Variants in DPYD observed in about 807,000 individuals in gnomAD.
DPYD encodes the protein dihydropyrimidine dehydrogenase [NADP(+)].
A neutral mutation model predicts 116.2 loss-of-function variants in DPYD; 109 were observed. That is an observed-to-expected ratio of 0.94 (90% CI 0.80 to 1.10). The LOEUF (loss-of-function observed/expected upper bound fraction) is 1.10. Ranked by LOEUF, DPYD falls within the 50% of genes least tolerant of loss-of-function variation. The pLI, the probability that DPYD is intolerant of heterozygous loss-of-function variation, is 0.00. For missense variants in DPYD, 1,302 were observed against 1,254.5 expected (o/e 1.04, Z -0.57); for synonymous variants, 440 against 432.0 (o/e 1.02, Z -0.23).
At chr1:97,888,424 C>T in intron 1 of DPYD, among the ~76,000 whole-genome samples, 1 of 151,198 alleles carries the variant, frequency 6.6e-6, no homozygotes, top group East Asian at 1.9e-4. Context: ...AAAGAAAAGA[C>T]AAAGCAGGAG....
intron 3 of DPYD, chr1:97,796,835 G>A (rs1667594890): frequency 6.6e-6 from 1 of 152,198 alleles, no homozygotes; most frequent in African/African-American, 2.4e-5. Flanking sequence ...ATTAATTTGT[G>A]GCACTACTGT....
chr1:97,595,245 T>G, intron 8 of DPYD, 79 bp from the exon 9 acceptor site: 2 of 1,126,806 alleles, frequency 1.8e-6, no homozygotes, highest in South Asian at 1.3e-5. Flanking sequence ...AAAAGAAAAC[T>G]TTAATCTTTG....
At chr1:97,921,054 C>A, upstream of DPYD, 4 of 1,170,782 alleles carry the variant, frequency 3.4e-6, no homozygotes, top group Non-Finnish European at 4.8e-6. Context: ...GGCGCGGGGG[C>A]GGAGCGGGCG....
At chr1:97,211,418 G>T (rs1472093869) in intron 19 of DPYD, among the ~76,000 whole-genome samples, 1 of 152,030 alleles carries the variant, frequency 6.6e-6, no homozygotes, top group Non-Finnish European at 1.5e-5. Flanking sequence ...TTATATATCT[G>T]TTTCTTACTA....
intron 20 of DPYD, among the ~76,000 whole-genome samples, chr1:97,112,806 A>G (rs1379837903): frequency 1.3e-5 from 2 of 152,178 alleles, no homozygotes; most frequent in Non-Finnish European, 2.9e-5. Context: ...TAAGAAAAGG[A>G]CTTTCCATCC....
Position 97,119,210 on chromosome 1 carries a change from G to T in DPYD, c.2623-20578C>A, listed in dbSNP as rs550344331. Among the ~76,000 whole-genome samples, 54 of 152,290 alleles carry T rather than the reference G, an allele frequency of 3.5e-4. 1 individual carries two copies. In the Middle Eastern group the frequency reaches 0.01, roughly 29 times the overall value. On this transcript the variant is annotated intron_variant, in intron 20 of 22. Coordinates refer to ENST00000370192, the MANE Select transcript of DPYD (RefSeq NM_000110.4). ...TTCTGGCTTATGAACATTGAGAAGT[G>T]AATTTTTAGGCCATCTACAATGGGT... is the stretch of plus-strand genomic sequence containing the variant.
rs1430435478 is a variant in DPYD at position 97,078,890 on chromosome 1, AAG to A, written c.*84_*85del. On this transcript the variant is annotated 3_prime_UTR_variant, in exon 23 of 23. Coordinates refer to ENST00000370192, the MANE Select transcript of DPYD (RefSeq NM_000110.4). ...AAATGTATATTTGTTTTAATTTGGA[AAG>A]AGCTGAACACAAGGATCATGATTTT... 1 of 1,452,044 alleles carries A rather than the reference AAG, an allele frequency of 6.9e-7. No homozygotes were observed. The highest frequency in any genetic ancestry group is 1.4e-5 in the African/African-American group (1 of 71,476). 89.9% of individuals were successfully genotyped at this position (1,452,044 alleles called of 1,614,324 possible).
intron 2 of DPYD, among the ~76,000 whole-genome samples, chr1:97,834,177 T>C (rs1417319381): frequency 6.6e-6 from 1 of 152,018 alleles, no homozygotes; most frequent in African/African-American, 2.4e-5. Context: ...TATTGCTGTT[T>C]GACAATAAAG....
At chr1:97,570,641 G>A (rs1352291912) in intron 11 of DPYD, among the ~76,000 whole-genome samples, 1 of 151,652 alleles carries the variant, frequency 6.6e-6, no homozygotes, top group Non-Finnish European at 1.5e-5. Flanking sequence ...TTGGCTATGG[G>A]GAGTACTAAT....
At position 97,358,662 on chromosome 1, in the gene DPYD, C is replaced by G. The variant is rs1170050696; in HGVS notation, c.2058+14899G>C. On this transcript the variant is annotated intron_variant, in intron 16 of 22. Transcript: ENST00000370192. ...GCAGCCTCCGCTGGTGACACCCAGG[C>G]AAACAGGGTCTGGAGTGGAGCTCCA... Among the ~76,000 whole-genome samples, 37 of 152,144 alleles carry G rather than the reference C, an allele frequency of 2.4e-4. 1 individual carries two copies. The highest frequency in any genetic ancestry group is 5.9e-5 in the Non-Finnish European group (4 of 68,022).
chr1:97,893,140 T>G (rs1011455307), intron 1 of DPYD, among the ~76,000 whole-genome samples: 8 of 151,808 alleles, frequency 5.3e-5, no homozygotes, highest in Admixed American at 2.6e-4. Context: ...ATTCCTATAT[T>G]GTCAATTCTG....
At chr1:97,883,947 T>C (rs905642149) in intron 1 of DPYD, 6 of 417,240 alleles carry the variant, frequency 1.4e-5, no homozygotes, top group South Asian at 7.6e-5. Context: ...AAGTTCAGTA[T>C]GGGAAAATCC....
intron 20 of DPYD, among the ~76,000 whole-genome samples, 196 bp downstream of exon 20, chr1:97,192,873 T>C (rs770793295): frequency 6.6e-6 from 1 of 152,194 alleles, no homozygotes; most frequent in Non-Finnish European, 1.5e-5. Context: ...TGTGTTGTAT[T>C]GGTTTATAAA....
intron 12 of DPYD, among the ~76,000 whole-genome samples, chr1:97,543,534 A>G (rs939911720): frequency 2.6e-5 from 4 of 152,228 alleles, no homozygotes; most frequent in African/African-American, 2.4e-5. Context: ...ATATTTTAAA[A>G]TAAGCTATTC....
At chr1:97,230,016 T>C (rs1291507820) in intron 19 of DPYD, among the ~76,000 whole-genome samples, 3 of 152,102 alleles carry the variant, frequency 2.0e-5, no homozygotes, top group Non-Finnish European at 4.4e-5. Flanking sequence ...CAACCAAAAT[T>C]TACTATATTT....
At chr1:97,451,180 C>T (rs1253481960) in intron 13 of DPYD, among the ~76,000 whole-genome samples, 2 of 152,002 alleles carry the variant, frequency 1.3e-5, no homozygotes, top group Admixed American at 1.3e-4. Flanking sequence ...CCATATAAAA[C>T]AATTAGCGTA....
At chr1:97,877,290 G>T (rs1164309186) in intron 2 of DPYD, among the ~76,000 whole-genome samples, 1 of 151,918 alleles carries the variant, frequency 6.6e-6, no homozygotes, top group African/African-American at 2.4e-5. Flanking sequence ...TGAAAAATCA[G>T]CTGGGCTTAC....
At chr1:97,201,854 T>A (rs1659229456) in intron 19 of DPYD, among the ~76,000 whole-genome samples, 1 of 151,840 alleles carries the variant, frequency 6.6e-6, no homozygotes, top group South Asian at 2.1e-4. Context: ...TGCATTGATT[T>A]AAACTCCTTC....
chr1:97,514,989 C>T (rs765859410), intron 13 of DPYD, among the ~76,000 whole-genome samples: 1 of 151,756 alleles, frequency 6.6e-6, no homozygotes, highest in Non-Finnish European at 1.5e-5. Flanking sequence ...TACTAACTAC[C>T]AGTTAGTATT....
Sources: gnomAD v4.1 joint callset for allele counts (sites outside exome capture counted in the v4.1 genomes callset) on GRCh38, gnomAD v4.1.1 for gene constraint, MANE v1.5 for transcripts, NCBI Gene and HGNC (gene_info 2026-07-23, HGNC 2026-07-21) for gene names.